Variants in SYN3 observed in about 807,000 individuals in gnomAD.
SYN3 encodes the protein synapsin-3.
In SYN3, 35 loss-of-function variants were observed where a neutral mutation model predicts 65.8. That is an observed-to-expected ratio of 0.53 (90% CI 0.41 to 0.70). The LOEUF (loss-of-function observed/expected upper bound fraction) is 0.70, where lower values mean the gene tolerates loss of function less well. Among genes scored for constraint, SYN3 ranks in the 30% least tolerant of loss-of-function variants. The pLI is 0.00. For synonymous variants in SYN3, 270 were observed against 292.9 expected (o/e 0.92, Z 0.80); for missense variants, 680 against 749.0 (o/e 0.91, Z 1.08).
chr22:32,879,888 G>A (rs551025550), intron 4 of SYN3, among the ~76,000 whole-genome samples: 30 of 152,324 alleles, frequency 2.0e-4, no homozygotes, highest in African/African-American at 7.2e-4. Flanking sequence ...AAATAATGAG[G>A]AGTGGTGGGA....
intron 6 of SYN3, among the ~76,000 whole-genome samples, chr22:32,727,953 C>T (rs557547677): frequency 5.6e-4 from 85 of 152,236 alleles, no homozygotes; most frequent in African/African-American, 1.7e-3. Context: ...TACAACCATC[C>T]GATCTTTGAT....
intron 2 of SYN3, among the ~76,000 whole-genome samples, chr22:32,985,237 A>G (rs241710): frequency 0.37 from 55,544 of 152,100 alleles, 10,848 homozygotes; most frequent in Middle Eastern, 0.44. Context: ...GCTGCAAAGT[A>G]TGTAGTCCAT....
chr22:32,969,523 G>C (rs1445563587), intron 3 of SYN3, among the ~76,000 whole-genome samples: 2 of 152,170 alleles, frequency 1.3e-5, no homozygotes, highest in Non-Finnish European at 2.9e-5. Context: ...ACCATCAGAA[G>C]GGACTAATGG....
At chr22:32,621,478 T>C (rs1268743892) in intron 6 of SYN3, among the ~76,000 whole-genome samples, 3 of 151,966 alleles carry the variant, frequency 2.0e-5, no homozygotes, top group Non-Finnish European at 4.4e-5. Context: ...CCATCTCAGA[T>C]GGAGGGTGGG....
intron 4 of SYN3, among the ~76,000 whole-genome samples, chr22:32,885,556 T>A (rs1333805692): frequency 1.3e-5 from 2 of 149,558 alleles, no homozygotes; most frequent in South Asian, 4.3e-4. Context: ...AACTGCATCA[T>A]CTTCCCTTTC....
intron 6 of SYN3, among the ~76,000 whole-genome samples, chr22:32,786,348 T>C (rs2046193299): frequency 6.6e-6 from 1 of 152,060 alleles, no homozygotes; most frequent in East Asian, 1.9e-4. Context: ...TATTGAAATA[T>C]TCAGGGGACC....
At chr22:32,794,515 T>TC (rs1317897530) in intron 6 of SYN3, among the ~76,000 whole-genome samples, 1 of 152,186 alleles carries the variant, frequency 6.6e-6, no homozygotes, top group African/African-American at 2.4e-5. Context: ...ATACTCTGAC[T>TC]CCTCCTTTTC....
chr22:32,598,686 A>G (rs2059238213), intron 6 of SYN3, among the ~76,000 whole-genome samples: 1 of 151,866 alleles, frequency 6.6e-6, no homozygotes, highest in African/African-American at 2.4e-5. Flanking sequence ...GGGTTTCGCT[A>G]TGTTGGTCAG....
intron 6 of SYN3, among the ~76,000 whole-genome samples, chr22:32,626,388 T>C (rs2059666467): frequency 6.6e-6 from 1 of 152,126 alleles, no homozygotes; most frequent in African/African-American, 2.4e-5. Flanking sequence ...GTGGCAAAGA[T>C]GGGCTGCGGT....
intron 6 of SYN3, among the ~76,000 whole-genome samples, chr22:32,747,716 A>G (rs2044980889): frequency 6.6e-6 from 1 of 152,170 alleles, no homozygotes; most frequent in South Asian, 2.1e-4. Context: ...TCTTTACACC[A>G]AAGCAATAAC....
chr22:32,736,501 G>A (rs576865583), intron 6 of SYN3, among the ~76,000 whole-genome samples: 14 of 152,114 alleles, frequency 9.2e-5, no homozygotes, highest in Non-Finnish European at 1.6e-4. Context: ...ATTCATGTCA[G>A]ACAAACACAG....
intron 6 of SYN3, among the ~76,000 whole-genome samples, chr22:32,807,370 T>A (rs1263699417): frequency 5.2e-5 from 6 of 114,678 alleles, no homozygotes; most frequent in Non-Finnish European, 8.3e-5. Flanking sequence ...ATAATATATA[T>A]TATATATAAT....
intron 2 of SYN3, 36 bp downstream of exon 2, chr22:33,006,316 C>T: frequency 6.4e-7 from 1 of 1,558,940 alleles, no homozygotes; most frequent in African/African-American, 1.4e-5. Flanking sequence ...CCTCTCTTGC[C>T]CCAGAAGGTG....
intron 6 of SYN3, among the ~76,000 whole-genome samples, chr22:32,624,082 T>C (rs902450293): frequency 2.0e-5 from 3 of 152,244 alleles, no homozygotes; most frequent in Non-Finnish European, 4.4e-5. Flanking sequence ...ATCAACTGTT[T>C]GGACTTCTGC....
intron 7 of SYN3, among the ~76,000 whole-genome samples, chr22:32,591,824 CTGAGTAGCG>C (rs1408396972): frequency 6.6e-6 from 1 of 152,134 alleles, no homozygotes; most frequent in Non-Finnish European, 1.5e-5. Flanking sequence ...GCACACCATC[CTGAGTAGCG>C]TGATGAAATC....
intron 1 of SYN3, among the ~76,000 whole-genome samples, chr22:33,007,868 T>G (rs1210182125): frequency 1.3e-5 from 2 of 152,192 alleles, no homozygotes; most frequent in African/African-American, 4.8e-5. Context: ...GATCAAAACA[T>G]CCCATTGAGA....
rs71187210 is a variant in SYN3 at position 32,741,347 on chromosome 22, ATTTTTT to A, written c.711+123562_711+123567del. Reference sequence around the variant, plus strand: ...CCAAGCATTCTGGCTCTAGAGCCCAATTTTTTTTTTTTTTTTTTTTTTTTTTGAGAC... The same window carrying A: ...CCAAGCATTCTGGCTCTAGAGCCCAATTTTTTTTTTTTTTTTTTTTGAGAC... On this transcript the variant is annotated intron_variant, in intron 6 of 13. Transcript: ENST00000358763. 2.3e-4 allele frequency among the ~76,000 whole-genome samples: 23 copies of A among 98,688 alleles called. No homozygotes were observed. In the East Asian group the frequency reaches 7.1e-3, roughly 30 times the overall value. The allele number at this position is 98,688 out of a possible 152,430, so 64.7% of individuals were successfully genotyped here.
chr22:32,541,344 T>A (rs558917643), intron 8 of SYN3, among the ~76,000 whole-genome samples: 1 of 152,364 alleles, frequency 6.6e-6, no homozygotes, highest in African/African-American at 2.4e-5. Flanking sequence ...CCAAGCACCT[T>A]TCTTGCTCTG....
chr22:32,911,938 C>CT (rs2050062404), intron 4 of SYN3, among the ~76,000 whole-genome samples: 1 of 152,196 alleles, frequency 6.6e-6, no homozygotes, highest in Admixed American at 6.5e-5. Context: ...TCAGACAGAG[C>CT]TGGACTCAAA....
Sources: gnomAD v4.1 joint callset for allele counts (sites outside exome capture counted in the v4.1 genomes callset) on GRCh38, gnomAD v4.1.1 for gene constraint, MANE v1.5 for transcripts, NCBI Gene and HGNC (gene_info 2026-07-23, HGNC 2026-07-21) for gene names.